CDH26: variants seen among roughly 807,000 people sequenced by gnomAD.
CDH26 encodes the protein cadherin 26.
CDH26 carries 83 observed loss-of-function variants against 90.3 expected under a neutral mutation model. The ratio of observed to expected loss-of-function variants is 0.92; its 90% CI spans 0.77 to 1.10. The LOEUF (loss-of-function observed/expected upper bound fraction) is 1.10. Ranked by LOEUF, CDH26 falls within the 50% of genes least tolerant of loss-of-function variation. The probability of loss-of-function intolerance (pLI) is 0.00; values close to 1 mark genes in which losing one functional copy is unlikely to be tolerated. For synonymous variants in CDH26, 397 were observed against 396.3 expected, an observed-to-expected ratio of 1.00 and a Z score of -0.02; for missense variants, 1,013 against 1,037.6, an observed-to-expected ratio of 0.98 and a Z score of 0.33.
chr20:59,988,903 G>C lies in CDH26; in HGVS notation c.1024-1G>C, dbSNP rs561720289. On this transcript the variant is annotated splice_acceptor_variant, in intron 8 of 17. Transcript: ENST00000348616. LOFTEE classifies it high-confidence loss of function. ...ATGAAATCCTCTCTCTGGGGTTCCAGCCTTTGGATTATGAGACTCGCCCAG... is the reference window on the plus strand; with the variant it reads ...ATGAAATCCTCTCTCTGGGGTTCCACCCTTTGGATTATGAGACTCGCCCAG... 39 of 1,613,494 alleles carry C rather than the reference G, an allele frequency of 2.4e-5. No homozygotes were observed. In the African/African-American group the frequency reaches 4.3e-4, roughly 18 times the overall value.
intron 1 of CDH26, among the ~76,000 whole-genome samples, chr20:59,963,027 C>T (rs934025117): frequency 2.0e-5 from 3 of 152,118 alleles, no homozygotes; most frequent in Non-Finnish European, 2.9e-5. Context: ...GAGATACTTA[C>T]GTAGCCCTTG....
intron 7 of CDH26, among the ~76,000 whole-genome samples, chr20:60,026,929 A>G (rs768712984): frequency 3.3e-5 from 5 of 152,240 alleles, no homozygotes; most frequent in South Asian, 2.1e-4. Context: ...CTGGAACAGC[A>G]TAAGTGCTCA....
chr20:59,993,180 A>C (rs1341776991), intron 10 of CDH26, among the ~76,000 whole-genome samples: 2 of 152,128 alleles, frequency 1.3e-5, no homozygotes, highest in Non-Finnish European at 2.9e-5. Context: ...GCATTAAGGG[A>C]GGAGAAAAAA....
At chr20:59,960,922 C>T (rs78852194) in intron 1 of CDH26, among the ~76,000 whole-genome samples, 24 of 152,324 alleles carry the variant, frequency 1.6e-4, no homozygotes, top group Non-Finnish European at 2.9e-4. Flanking sequence ...TGGATACCTG[C>T]TTTGGGCCAG....
At chr20:59,977,485 A>C (rs923257250) in intron 4 of CDH26, among the ~76,000 whole-genome samples, 2 of 151,818 alleles carry the variant, frequency 1.3e-5, no homozygotes, top group Non-Finnish European at 2.9e-5. Flanking sequence ...AAAAATATGT[A>C]TATTTATTTA....
At chr20:59,970,510 T>A (rs1433362603) in intron 3 of CDH26, among the ~76,000 whole-genome samples, 1 of 151,558 alleles carries the variant, frequency 6.6e-6, no homozygotes, top group African/African-American at 2.4e-5. Context: ...AAATATTATT[T>A]AAAAACAGGG....
chr20:60,024,971 C>T (rs1275520324), intron 7 of CDH26, among the ~76,000 whole-genome samples: 1 of 152,170 alleles, frequency 6.6e-6, no homozygotes, highest in African/African-American at 2.4e-5. Flanking sequence ...TCTGCCTCTC[C>T]TCCCTCTCCC....
At chr20:60,026,041 C>G (rs2061994143) in intron 7 of CDH26, among the ~76,000 whole-genome samples, 2 of 152,240 alleles carry the variant, frequency 1.3e-5, no homozygotes, top group African/African-American at 4.8e-5. Context: ...GGCACCAGGC[C>G]TCACTGGGAT....
rs6100691 is a variant in CDH26 at position 60,031,004 on chromosome 20, G to A, written c.948-227G>A. Among the ~76,000 whole-genome samples the A allele has an allele frequency of 4.2e-3, 637 of 152,326 alleles. 3 individuals are homozygous for A. Among genetic ancestry groups the A allele is most frequent in the African/African-American group, 0.014 (598 of 41,570 alleles). ...GCTACTCCATAGACAAAGCAGCCTC[G>A]AGGGCTGCTGGTTGCACATTTTTAT... On this transcript the variant is annotated intron_variant, in intron 7 of 8. Transcript: ENST00000370991.
chr20:59,987,345 C>A, intron 7 of CDH26, 108 bp from the exon 8 acceptor site: 1 of 910,392 alleles, frequency 1.1e-6, no homozygotes, highest in Non-Finnish European at 1.6e-6. Flanking sequence ...CATTCTTTCT[C>A]CTTCTCTCTC....
rs910695 is a variant in CDH26 at position 60,012,786 on chromosome 20, A to T, written c.*56A>T. ...AATTCATGGAAGGGAATCACTATTC[A>T]GGGATTTTTCCCCTTTGCTCTTCTT... On this transcript the variant is annotated 3_prime_UTR_variant, in exon 18 of 18. Coordinates refer to ENST00000348616, the MANE Select transcript of CDH26 (RefSeq NM_177980.4). 10 of 1,550,642 alleles carry T rather than the reference A, an allele frequency of 6.4e-6. No individual in the cohort carries two copies. Among genetic ancestry groups the T allele is most frequent in the African/African-American group, 2.7e-5 (2 of 73,206 alleles).
intron 2 of CDH26, 131 bp downstream of exon 2, chr20:59,969,154 A>G (rs2061216943): frequency 1.7e-6 from 1 of 594,890 alleles, no homozygotes; most frequent in African/African-American, 1.8e-5. Context: ...TAGTAACTTC[A>G]TGTGGCCTTT....
In CDH26 at chr20:59,996,050, G is replaced by C. The variant is rs2061592738; in HGVS notation, c.1884G>C (p.Leu628=). ...CTGTCTGTGCAGCATTTGTGGCTCTGGCAGGTCAGTGGTCTGTAGGGGTGT... is the reference window on the plus strand; with the variant it reads ...CTGTCTGTGCAGCATTTGTGGCTCTCGCAGGTCAGTGGTCTGTAGGGGTGT... ...LFPVCAAFVA[L]AVALLFLLRC... The change falls in exon 12 of 18, where the codon CTG becomes CTC. Residue 628 remains leucine, a synonymous_variant. Transcript: ENST00000348616. The C allele has an allele frequency of 6.2e-7, 1 of 1,612,466 alleles. No individual in the cohort carries two copies. Among genetic ancestry groups the C allele is most frequent in the African/African-American group, 1.3e-5 (1 of 75,032 alleles).
At position 59,989,250 on chromosome 20, in the gene CDH26, C is replaced by T. The variant is rs1017398944; in HGVS notation, c.1283+87C>T. On this transcript the variant is annotated intron_variant, in intron 9 of 17. Transcript: ENST00000348616. ...GCTCCTGTTAGAAAACCAGCTCGGC[C>T]GGGCGCGGTGGCTCACGCCTGTAAT... The T allele has an allele frequency of 5.5e-5, 85 of 1,550,734 alleles. 2 individuals are homozygous for T. In the South Asian group the frequency reaches 5.6e-4, roughly 10 times the overall value.
At chr20:60,002,526 G>C (rs573814385) in intron 15 of CDH26, among the ~76,000 whole-genome samples, 24 of 152,210 alleles carry the variant, frequency 1.6e-4, no homozygotes, top group African/African-American at 5.8e-4. Flanking sequence ...AGGAGTGGAT[G>C]TGTGTCATTT....
chr20:60,001,458 C>G, intron 15 of CDH26, 47 bp downstream of exon 15: 2 of 1,604,526 alleles, frequency 1.2e-6, no homozygotes, highest in Non-Finnish European at 1.7e-6. Flanking sequence ...TCACTAGTGA[C>G]TAACAGTTGG....
chr20:59,997,111 G>T (rs1301177833), intron 13 of CDH26, among the ~76,000 whole-genome samples: 2 of 152,210 alleles, frequency 1.3e-5, no homozygotes, highest in Non-Finnish European at 2.9e-5. Flanking sequence ...CTACCACAGA[G>T]AATTATCTGC....
chr20:60,003,384 GA>G lies in CDH26; in HGVS notation c.2220+520del, dbSNP rs148924900. On this transcript the variant is annotated intron_variant, in intron 16 of 17. Coordinates refer to ENST00000348616, the MANE Select transcript of CDH26 (RefSeq NM_177980.4). ...ATAATGATTCTGATGTAAACAGAAG[GA>G]AGTTGAATGTTGTGGATATAGTTTG... Among the ~76,000 whole-genome samples the G allele has an allele frequency of 8.9e-3, 1,350 of 152,304 alleles. 7 individuals are homozygous for G. Among genetic ancestry groups the G allele is most frequent in the Non-Finnish European group, 0.016 (1,105 of 68,034 alleles).
intron 17 of CDH26, among the ~76,000 whole-genome samples, chr20:60,011,729 G>T (rs1040488799): frequency 6.6e-6 from 1 of 152,280 alleles, no homozygotes; most frequent in East Asian, 1.9e-4. Flanking sequence ...GTAACAGGGG[G>T]TGCGCACTGC....
Sources: allele counts gnomAD v4.1 joint callset (sites outside exome capture counted in the v4.1 genomes callset), GRCh38; gene constraint gnomAD v4.1.1; transcripts MANE v1.5; gene names NCBI Gene and HGNC (gene_info 2026-07-23, HGNC 2026-07-21).